The following C4orf36 variants were observed in gnomAD, a reference collection of about 807,000 sequenced individuals.
The protein encoded by C4orf36 is chromosome 4 open reading frame 36, also known as uncharacterized protein C4orf36.
Under a neutral mutation model 12.2 loss-of-function variants are expected in C4orf36, and 11 were observed. The ratio of observed to expected loss-of-function variants is 0.90; its 90% CI spans 0.57 to 1.49. C4orf36 has a LOEUF of 1.49. Ranked by LOEUF, C4orf36 falls within the 40% of genes most tolerant of loss-of-function variation. The pLI is 0.00. For missense variants in C4orf36, 137 were observed against 133.9 expected (o/e 1.02, Z -0.11); for synonymous variants, 54 against 51.3 (o/e 1.05, Z -0.22).
chr4:86,897,275 T>C (rs1199277627), upstream of C4orf36, among the ~76,000 whole-genome samples: 1 of 152,058 alleles, frequency 6.6e-6, no homozygotes, highest in African/African-American at 2.4e-5. Flanking sequence ...GTGGGAGGAT[T>C]GCTTGAGCCT....
At chr4:86,908,172 C>T in the C4orf36 span, among the ~76,000 whole-genome samples, 1 of 6,066 alleles carries the variant, frequency 1.6e-4, no homozygotes, top group African/African-American at 3.9e-4. Flanking sequence ...TCAACATACA[C>T]ACACACACAC....
chr4:86,913,307 T>C, the C4orf36 span: 2 of 748,208 alleles, frequency 2.7e-6, no homozygotes, highest in Admixed American at 3.7e-5. Context: ...TCCTAAATTG[T>C]CATGGCTCCA....
At chr4:86,914,403 T>TC in the C4orf36 span, 12 of 876,890 alleles carry the variant, frequency 1.4e-5, no homozygotes, top group African/African-American at 2.0e-4. Context: ...TTTTTTTTTT[T>TC]TTTTTTTTTT....
chr4:86,934,387 T>G, the C4orf36 span: 1 of 152,176 alleles, frequency 6.6e-6, no homozygotes, highest in Non-Finnish European at 1.5e-5. Context: ...TAGAATTTTC[T>G]GAGGTTGGGC....
chr4:86,892,355 C>A lies in C4orf36; in HGVS notation c.-246G>T. 1 of 985,494 alleles carries A rather than the reference C, an allele frequency of 1.0e-6. No individual in the cohort carries two copies. The allele number at this position is 985,494 out of a possible 1,614,324, so 61.0% of individuals were successfully genotyped here. On this transcript the variant is annotated 5_prime_UTR_variant, in exon 1 of 5. Coordinates refer to ENST00000295898, the MANE Select transcript of C4orf36 (RefSeq NM_144645.4). ...GCGCGCTGCGCTAAGCGCACATGGCCGCGCACACGCCTCGGGGCCGCGCCG... is the reference window on the plus strand; with the variant it reads ...GCGCGCTGCGCTAAGCGCACATGGCAGCGCACACGCCTCGGGGCCGCGCCG...
upstream of C4orf36, among the ~76,000 whole-genome samples, chr4:86,897,232 G>A (rs1472376795): frequency 1.1e-4 from 16 of 152,044 alleles, no homozygotes; most frequent in Admixed American, 1.0e-3. Context: ...GTGGTGGCAC[G>A]TACCTGTAGT....
At chr4:86,925,036 AATG>A in the C4orf36 span, 1 of 152,140 alleles carries the variant, frequency 6.6e-6, no homozygotes, top group Non-Finnish European at 1.5e-5. Flanking sequence ...CACATTTTTA[AATG>A]ATGAGTTCTC....
At chr4:86,892,494 A>G (rs1364700217), upstream of C4orf36, 11 of 979,900 alleles carry the variant, frequency 1.1e-5, no homozygotes, top group Non-Finnish European at 1.2e-5. Flanking sequence ...CAGGGAGGGG[A>G]CGCCGGGCCC....
chr4:86,921,722 C>A, the C4orf36 span, among the ~76,000 whole-genome samples: 2 of 152,044 alleles, frequency 1.3e-5, no homozygotes, highest in African/African-American at 2.4e-5. Context: ...GTGTACAGTT[C>A]ATTGGCATGA....
the C4orf36 span, among the ~76,000 whole-genome samples, chr4:86,909,893 T>TAAAAAAAA: frequency 4.1e-5 from 3 of 73,294 alleles, no homozygotes; most frequent in East Asian, 8.7e-4. Context: ...GAGGAAGACT[T>TAAAAAAAA]AAAAAAAAAA....
chr4:86,931,306 C>T, the C4orf36 span, among the ~76,000 whole-genome samples: 1 of 152,070 alleles, frequency 6.6e-6, no homozygotes, highest in Non-Finnish European at 1.5e-5. Context: ...TAGACTAATC[C>T]TTCCTCCTTT....
the C4orf36 span, among the ~76,000 whole-genome samples, chr4:86,931,773 C>T: frequency 4.6e-5 from 7 of 152,184 alleles, no homozygotes; most frequent in Admixed American, 2.0e-4. Flanking sequence ...TGGTGGCTCA[C>T]GCCTGTAATC....
At chr4:86,915,169 G>T in the C4orf36 span, among the ~76,000 whole-genome samples, 3 of 152,032 alleles carry the variant, frequency 2.0e-5, no homozygotes, top group Non-Finnish European at 4.4e-5. Flanking sequence ...CATGCCATTT[G>T]TGCTCTTGTG....
chr4:86,903,894 C>G, the C4orf36 span, among the ~76,000 whole-genome samples: 1 of 152,144 alleles, frequency 6.6e-6, no homozygotes, highest in Non-Finnish European at 1.5e-5. Flanking sequence ...TTCTCCAAGT[C>G]CCCACTGACT....
At chr4:86,931,069 A>G in the C4orf36 span, among the ~76,000 whole-genome samples, 1 of 152,230 alleles carries the variant, frequency 6.6e-6, no homozygotes, top group African/African-American at 2.4e-5. Flanking sequence ...TAATCTTTCT[A>G]AAATGCCACA....
the C4orf36 span, among the ~76,000 whole-genome samples, chr4:86,912,562 T>C: frequency 6.6e-6 from 1 of 152,224 alleles, no homozygotes; most frequent in East Asian, 1.9e-4. Flanking sequence ...TGCCTGCCTA[T>C]ATATCCATGA....
At chr4:86,895,048 A>G (rs1458688087), upstream of C4orf36, among the ~76,000 whole-genome samples, 1 of 152,226 alleles carries the variant, frequency 6.6e-6, no homozygotes, top group Admixed American at 6.5e-5. Flanking sequence ...ACGGTGGCTC[A>G]TGCCTGTAAT....
intron 4 of C4orf36, among the ~76,000 whole-genome samples, chr4:86,880,997 G>A (rs552182374): frequency 4.7e-4 from 68 of 145,980 alleles, no homozygotes; most frequent in African/African-American, 1.6e-3. Flanking sequence ...CACACCACTC[G>A]ACTCCAGCCT....
chr4:86,933,410 T>A, the C4orf36 span: 1 of 152,182 alleles, frequency 6.6e-6, no homozygotes, highest in Non-Finnish European at 1.5e-5. Flanking sequence ...GAACCAAAGC[T>A]ACATCATCTT....
Sources: gnomAD v4.1 joint callset for allele counts (sites outside exome capture counted in the v4.1 genomes callset) on GRCh38, gnomAD v4.1.1 for gene constraint, MANE v1.5 for transcripts, NCBI Gene and HGNC (gene_info 2026-07-23, HGNC 2026-07-21) for gene names.